HERC6: variants seen among roughly 807,000 people sequenced by gnomAD.
The protein encoded by HERC6 is HECT and RLD domain containing E3 ubiquitin protein ligase family member 6.
In HERC6, 101 loss-of-function variants were observed where a neutral mutation model predicts 114.5. The ratio of observed to expected loss-of-function variants is 0.88; its 90% confidence interval spans 0.75 to 1.04. The LOEUF (loss-of-function observed/expected upper bound fraction) is 1.04, where lower values mean the gene tolerates loss of function less well. HERC6 is among the 50% of genes least tolerant of loss of function. The pLI is 0.00. For synonymous variants in HERC6, 408 were observed against 436.2 expected (o/e 0.94, Z 0.81); for missense variants, 1,133 against 1,230.9 (o/e 0.92, Z 1.19).
At chr4:88,399,789 G>A (rs1405335866) in intron 8 of HERC6, 1 of 151,488 alleles carries the variant, frequency 6.6e-6, no homozygotes, top group Non-Finnish European at 1.5e-5. Context: ...AAAAAAAATT[G>A]TATTAGATAG....
intron 8 of HERC6, among the ~76,000 whole-genome samples, chr4:88,403,670 T>C (rs1016698242): frequency 5.9e-5 from 9 of 151,946 alleles, no homozygotes; most frequent in Admixed American, 2.6e-4. Flanking sequence ...AGGAGAATGG[T>C]GTGAACCTGG....
intron 8 of HERC6, among the ~76,000 whole-genome samples, chr4:88,401,523 A>C (rs375531777): frequency 6.6e-6 from 1 of 151,822 alleles, no homozygotes; most frequent in Non-Finnish European, 1.5e-5. Context: ...GAAAAAAGAG[A>C]AACAGTGAAT....
chr4:88,394,935 C>T (rs1179505143), intron 5 of HERC6, among the ~76,000 whole-genome samples: 1 of 152,156 alleles, frequency 6.6e-6, no homozygotes, highest in Non-Finnish European at 1.5e-5. Context: ...CAATAATCCA[C>T]TTTACAGCCT....
intron 11 of HERC6, 103 bp from the exon 12 acceptor site, chr4:88,412,974 T>A (rs1578393744): frequency 2.5e-6 from 2 of 788,608 alleles, no homozygotes; most frequent in East Asian, 5.2e-5. Flanking sequence ...TTATTCTAAT[T>A]GGAACATGGT....
At chr4:88,396,568 A>G (rs888612500) in intron 6 of HERC6, among the ~76,000 whole-genome samples, 3 of 152,188 alleles carry the variant, frequency 2.0e-5, no homozygotes, top group Non-Finnish European at 4.4e-5. Flanking sequence ...AAAAAGAAAA[A>G]AAATAGAAAT....
chr4:88,418,014 G>C (rs1413873263), intron 13 of HERC6, among the ~76,000 whole-genome samples: 1 of 150,946 alleles, frequency 6.6e-6, no homozygotes, highest in Non-Finnish European at 1.5e-5. Flanking sequence ...CAACATGGAT[G>C]AATCTCATCA....
intron 22 of HERC6, 72 bp downstream of exon 22, chr4:88,440,322 A>G: frequency 5.5e-6 from 5 of 903,680 alleles, no homozygotes; most frequent in Non-Finnish European, 8.6e-6. Flanking sequence ...TTTAGAATGA[A>G]GCCATTGAAG....
At chr4:88,429,016 A>G (rs1385855409) in intron 16 of HERC6, among the ~76,000 whole-genome samples, 2 of 152,214 alleles carry the variant, frequency 1.3e-5, no homozygotes, top group African/African-American at 4.8e-5. Context: ...AATGACAATA[A>G]TTTATTTTAC....
At chr4:88,425,475 C>T (rs982113035) in intron 15 of HERC6, among the ~76,000 whole-genome samples, 1 of 152,084 alleles carries the variant, frequency 6.6e-6, no homozygotes, top group Non-Finnish European at 1.5e-5. Context: ...TTCTCTCTTC[C>T]CTCTCCTCCT....
chr4:88,433,143 CA>C (rs1213402332), intron 17 of HERC6, among the ~76,000 whole-genome samples: 2 of 152,058 alleles, frequency 1.3e-5, no homozygotes, highest in African/African-American at 4.8e-5. Flanking sequence ...TAACACAGAT[CA>C]TTTAATCTGT....
At chr4:88,394,674 G>A (rs1004120147) in intron 5 of HERC6, among the ~76,000 whole-genome samples, 26 of 150,848 alleles carry the variant, frequency 1.7e-4, no homozygotes, top group African/African-American at 5.8e-4. Context: ...CCTCCCAAGT[G>A]GCTGGGATTA....
intron 4 of HERC6, among the ~76,000 whole-genome samples, chr4:88,391,452 T>G (rs1167412790): frequency 1.3e-5 from 2 of 152,248 alleles, no homozygotes; most frequent in Admixed American, 1.3e-4. Flanking sequence ...CTCTGCCATG[T>G]AACTTAACAT....
intron 5 of HERC6, among the ~76,000 whole-genome samples, chr4:88,394,652 C>G (rs1210713849): frequency 8.6e-5 from 13 of 151,344 alleles, no homozygotes; most frequent in Non-Finnish European, 1.9e-4. Flanking sequence ...TCAAGCAATT[C>G]TCCTGCCTCA....
chr4:88,393,823 A>G (rs757135368), intron 5 of HERC6, among the ~76,000 whole-genome samples: 2 of 152,218 alleles, frequency 1.3e-5, no homozygotes, highest in Non-Finnish European at 2.9e-5. Flanking sequence ...TCTCATTCAC[A>G]GATACCATAT....
rs1466865350 is a variant in HERC6 at position 88,392,106 on chromosome 4, C to T, written c.664+1227C>T. ...ACTCCCCCCTCCCCTTCTCCCCTTC[C>T]GTTCCCCCTCTCCCCTCCCTTCCCC... On this transcript the variant is annotated intron_variant, in intron 4 of 22. Transcript: ENST00000264346. Among the ~76,000 whole-genome samples the T allele has an allele frequency of 2.2e-3, 201 of 92,792 alleles. 1 individual carries two copies. The highest frequency in any genetic ancestry group is 8.0e-3 in the African/African-American group (192 of 24,106). The allele number at this position is 92,792 out of a possible 152,430, so 60.9% of individuals were successfully genotyped here. A position where few individuals can be genotyped will look rare whatever the true frequency, so the allele number is the denominator to read the frequency against.
rs755304187 is a variant in HERC6, at chr4:88,435,906, C to G, written c.2417+15C>G. Reference sequence around the variant, plus strand: ...CGGTTGGGGAAGTAAGTAAATATAACGTTTTTTCAGGACCGTATCTAGTAA... The same window carrying G: ...CGGTTGGGGAAGTAAGTAAATATAAGGTTTTTTCAGGACCGTATCTAGTAA... On this transcript the variant is annotated intron_variant, in intron 18 of 22. Transcript: ENST00000264346. 6.3e-7 allele frequency: 1 copy of G among 1,586,206 alleles called. No individual in the cohort carries two copies. Among genetic ancestry groups the G allele is most frequent in the East Asian group, 2.3e-5 (1 of 44,288 alleles).
At chr4:88,404,350 G>A (rs772613631) in intron 8 of HERC6, among the ~76,000 whole-genome samples, 4 of 151,752 alleles carry the variant, frequency 2.6e-5, no homozygotes, top group Non-Finnish European at 4.4e-5. Flanking sequence ...ACCATGCCCG[G>A]CTAATTTTTT....
At chr4:88,396,768 G>T in intron 6 of HERC6, 83 bp from the exon 7 acceptor site, 1 of 1,288,542 alleles carries the variant, frequency 7.8e-7, no homozygotes, top group Admixed American at 2.8e-5. Flanking sequence ...TTTTGTGTTT[G>T]TTATTTTGTC....
intron 8 of HERC6, among the ~76,000 whole-genome samples, chr4:88,400,168 C>T (rs1405248173): frequency 6.6e-6 from 1 of 152,142 alleles, no homozygotes; most frequent in East Asian, 1.9e-4. Flanking sequence ...GAAGAAAGCA[C>T]CTGTATGGAG....
Sources: gnomAD v4.1 joint callset for allele counts (sites outside exome capture counted in the v4.1 genomes callset) on GRCh38, gnomAD v4.1.1 for gene constraint, MANE v1.5 for transcripts, NCBI Gene and HGNC (gene_info 2026-07-23, HGNC 2026-07-21) for gene names.